ANKS1B: variants seen among roughly 807,000 people sequenced by gnomAD.
ANKS1B encodes the protein ankyrin repeat and sterile alpha motif domain-containing protein 1B.
Under a neutral mutation model 148.3 loss-of-function variants are expected in ANKS1B, and 36 were observed. That is an observed-to-expected ratio of 0.24 (90% CI 0.19 to 0.32). ANKS1B has a LOEUF of 0.32. ANKS1B is among the 10% of genes least tolerant of loss of function. The probability of loss-of-function intolerance (pLI) is 1.00; values close to 1 mark genes in which losing one functional copy is unlikely to be tolerated. For synonymous variants in ANKS1B, 542 were observed against 560.8 expected, an observed-to-expected ratio of 0.97 and a Z score of 0.47; for missense variants, 1,157 against 1,542.6, an observed-to-expected ratio of 0.75 and a Z score of 4.19.
At chr12:99,754,426 C>A (rs1030763463) in intron 8 of ANKS1B, among the ~76,000 whole-genome samples, 1 of 152,110 alleles carries the variant, frequency 6.6e-6, no homozygotes, top group Non-Finnish European at 1.5e-5. Context: ...TAATACTCCA[C>A]TGACAATATG....
chr12:99,169,480 A>G (rs993233899), intron 14 of ANKS1B, among the ~76,000 whole-genome samples: 1 of 152,186 alleles, frequency 6.6e-6, no homozygotes, highest in Non-Finnish European at 1.5e-5. Flanking sequence ...CCAAAATGTA[A>G]TAACTATCTG....
At chr12:99,667,242 G>A (rs757668368) in intron 8 of ANKS1B, among the ~76,000 whole-genome samples, 31 of 151,878 alleles carry the variant, frequency 2.0e-4, no homozygotes, top group Non-Finnish European at 3.1e-4. Flanking sequence ...CCAGCTACTC[G>A]GGAGGCTGAG....
At chr12:99,282,782 G>T (rs1025427849) in intron 12 of ANKS1B, among the ~76,000 whole-genome samples, 3 of 152,158 alleles carry the variant, frequency 2.0e-5, no homozygotes, top group Non-Finnish European at 4.4e-5. Flanking sequence ...AGGTTTTATG[G>T]CTGTGAGAAT....
At chr12:99,850,281 G>GTCTCTCCCTCTCCCTC (rs57015094) in intron 1 of ANKS1B, among the ~76,000 whole-genome samples, 2 of 114,206 alleles carry the variant, frequency 1.8e-5, no homozygotes, top group African/African-American at 3.6e-5. Context: ...AAGCAAGAAA[G>GTCTCTCCCTCTCCCTC]TCTCTCTCTC....
At chr12:99,443,597 C>T (rs1263336502) in intron 11 of ANKS1B, 76 bp downstream of exon 11, 1 of 1,475,754 alleles carries the variant, frequency 6.8e-7, no homozygotes, top group South Asian at 1.3e-5. Flanking sequence ...CCAGGCATTG[C>T]AATATAAGTG....
intron 1 of ANKS1B, among the ~76,000 whole-genome samples, chr12:99,908,078 T>C (rs989929185): frequency 6.6e-6 from 1 of 152,110 alleles, no homozygotes; most frequent in African/African-American, 2.4e-5. Context: ...AGACATAGAA[T>C]TATAACCCTA....
chr12:99,540,405 C>A (rs1467095787), intron 9 of ANKS1B, among the ~76,000 whole-genome samples: 3 of 151,994 alleles, frequency 2.0e-5, no homozygotes, highest in Non-Finnish European at 4.4e-5. Context: ...ATAGACCATG[C>A]AATATGAGAC....
chr12:99,611,730 C>T (rs2097904210), intron 9 of ANKS1B, among the ~76,000 whole-genome samples: 1 of 151,922 alleles, frequency 6.6e-6, no homozygotes. Flanking sequence ...TGCAGGCATT[C>T]GAGGCAGAAT....
chr12:98,797,862 A>G (rs2098964053), intron 22 of ANKS1B, among the ~76,000 whole-genome samples: 1 of 152,240 alleles, frequency 6.6e-6, no homozygotes, highest in African/African-American at 2.4e-5. Flanking sequence ...TATATTGGCC[A>G]TAAATAAAAG....
chr12:99,222,887 A>C (rs2085340068), intron 14 of ANKS1B, among the ~76,000 whole-genome samples: 1 of 152,142 alleles, frequency 6.6e-6, no homozygotes, highest in African/African-American at 2.4e-5. Context: ...GACTTGGAAA[A>C]ATTCTTTTTT....
chr12:99,169,309 A>T (rs1380355483), intron 14 of ANKS1B, among the ~76,000 whole-genome samples: 1 of 152,220 alleles, frequency 6.6e-6, no homozygotes, highest in Middle Eastern at 3.2e-3. Flanking sequence ...AATAGGTGTT[A>T]CTTGGTAAAA....
At chr12:99,247,853 T>C (rs1275167039) in intron 12 of ANKS1B, among the ~76,000 whole-genome samples, 1 of 152,176 alleles carries the variant, frequency 6.6e-6, no homozygotes, top group Non-Finnish European at 1.5e-5. Context: ...TTAAATTACC[T>C]GATAAGCCCA....
At chr12:99,076,249 T>C (rs1304671905) in intron 16 of ANKS1B, among the ~76,000 whole-genome samples, 1 of 152,054 alleles carries the variant, frequency 6.6e-6, no homozygotes, top group Non-Finnish European at 1.5e-5. Context: ...TGACAGTTGC[T>C]CATATGAAGG....
rs527596154 is a variant in ANKS1B, at chr12:98,857,466, C to G, written c.2779-25330G>C. The stretch of plus-strand genomic sequence containing the variant: ...AGGGAGAGTGGGAAGGGACCCAGAG[C>G]ACAGATGGAGTTATTGGCTTTGGAG... On this transcript the variant is annotated intron_variant, in intron 17 of 26. Coordinates refer to ENST00000683438, the MANE Select transcript of ANKS1B (RefSeq NM_001352186.2). Among the ~76,000 whole-genome samples, 7 of 152,086 alleles carry G rather than the reference C, an allele frequency of 4.6e-5. No homozygotes were observed. In the South Asian group the frequency reaches 1.2e-3, roughly 27 times the overall value.
At chr12:99,033,070 T>G (rs945948238) in intron 17 of ANKS1B, among the ~76,000 whole-genome samples, 4 of 152,338 alleles carry the variant, frequency 2.6e-5, no homozygotes, top group Admixed American at 1.3e-4. Context: ...ATGAATTACT[T>G]TCTACCCAGG....
chr12:99,275,923 G>T (rs1205893374), intron 12 of ANKS1B, among the ~76,000 whole-genome samples: 1 of 152,136 alleles, frequency 6.6e-6, no homozygotes, highest in Non-Finnish European at 1.5e-5. Flanking sequence ...GAAAAGAAAT[G>T]ATTTTGAGTG....
intron 11 of ANKS1B, among the ~76,000 whole-genome samples, chr12:99,422,190 G>C (rs1179124767): frequency 6.6e-6 from 1 of 152,190 alleles, no homozygotes; most frequent in Non-Finnish European, 1.5e-5. Context: ...GTGCCCTGGT[G>C]CAATGGCATC....
intron 12 of ANKS1B, among the ~76,000 whole-genome samples, chr12:99,328,162 T>C (rs979811545): frequency 1.3e-5 from 2 of 151,930 alleles, no homozygotes; most frequent in African/African-American, 4.8e-5. Flanking sequence ...AGGGCCAAAA[T>C]CTCTGAGAAA....
intron 12 of ANKS1B, among the ~76,000 whole-genome samples, chr12:99,342,584 A>G (rs2090086952): frequency 6.6e-6 from 1 of 152,086 alleles, no homozygotes; most frequent in South Asian, 2.1e-4. Flanking sequence ...CCATGATTCC[A>G]AAAGAGGCAG....
Sources: allele counts gnomAD v4.1 joint callset (sites outside exome capture counted in the v4.1 genomes callset), GRCh38; gene constraint gnomAD v4.1.1; transcripts MANE v1.5; gene names NCBI Gene and HGNC (gene_info 2026-07-23, HGNC 2026-07-21).